Variants in EPG5 observed in about 807,000 individuals in gnomAD.
EPG5 encodes ectopic P granules protein 5 homolog.
EPG5 carries 159 observed loss-of-function variants against 302.7 expected under a neutral mutation model. That is an observed-to-expected ratio of 0.53 (90% CI 0.46 to 0.60). The LOEUF (loss-of-function observed/expected upper bound fraction) is 0.60, where lower values mean the gene tolerates loss of function less well. Among genes scored for constraint, EPG5 ranks in the 20% least tolerant of loss-of-function variants. The pLI is 0.00. For synonymous variants in EPG5, 1,158 were observed against 1,136.8 expected (o/e 1.02, Z -0.37); for missense variants, 2,896 against 3,092.4 (o/e 0.94, Z 1.51).
chr18:45,913,486 A>G (rs1288810589), intron 21 of EPG5, among the ~76,000 whole-genome samples: 1 of 152,224 alleles, frequency 6.6e-6, no homozygotes, highest in East Asian at 1.9e-4. Context: ...TCACATGTGC[A>G]ATGATCCAGC....
At chr18:45,807,758 G>T in the EPG5 span, among the ~76,000 whole-genome samples, 6 of 152,158 alleles carry the variant, frequency 3.9e-5, no homozygotes, top group Non-Finnish European at 7.3e-5. Flanking sequence ...CCTTCCCTCT[G>T]ACAGAACCTA....
chr18:45,867,802 G>T, intron 36 of EPG5, 54 bp from the exon 37 acceptor site: 1 of 1,440,168 alleles, frequency 6.9e-7, no homozygotes, highest in South Asian at 1.3e-5. Context: ...CTATGTATCT[G>T]GAAAATGTAT....
At chr18:45,839,285 A>G in the EPG5 span, among the ~76,000 whole-genome samples, 1 of 152,210 alleles carries the variant, frequency 6.6e-6, no homozygotes, top group African/African-American at 2.4e-5. Context: ...CCATTTTGCA[A>G]TAAGGAAGCT....
At chr18:45,821,911 C>T in the EPG5 span, among the ~76,000 whole-genome samples, 3 of 152,188 alleles carry the variant, frequency 2.0e-5, no homozygotes, top group Non-Finnish European at 4.4e-5. Flanking sequence ...AATGAGATAT[C>T]ACCTCACCCT....
the EPG5 span, chr18:45,838,043 C>A: frequency 9.0e-7 from 1 of 1,105,856 alleles, no homozygotes; most frequent in Non-Finnish European, 1.2e-6. Context: ...GATCTCACAC[C>A]TGGGGGTAGT....
chr18:45,819,687 T>C, the EPG5 span, among the ~76,000 whole-genome samples: 1 of 152,194 alleles, frequency 6.6e-6, no homozygotes, highest in Non-Finnish European at 1.5e-5. Flanking sequence ...AGTTCACCAA[T>C]TGTTTCTAAA....
chr18:45,927,633 C>CACACAT (rs1555676803), intron 13 of EPG5, among the ~76,000 whole-genome samples: 1 of 151,262 alleles, frequency 6.6e-6, no homozygotes, highest in Non-Finnish European at 1.5e-5. Flanking sequence ...CACACACACA[C>CACACAT]GCACCAAGGA....
chr18:45,853,771 A>C (rs2048461364), intron 43 of EPG5, among the ~76,000 whole-genome samples: 1 of 152,226 alleles, frequency 6.6e-6, no homozygotes, highest in South Asian at 2.1e-4. Flanking sequence ...GTACCAAATT[A>C]AGAGCTATGT....
chr18:45,804,197 A>T, the EPG5 span, among the ~76,000 whole-genome samples: 4 of 152,198 alleles, frequency 2.6e-5, no homozygotes, highest in Admixed American at 1.3e-4. Context: ...ATAATTTTTT[A>T]AAACAGATGA....
chr18:45,951,901 C>T (rs1276474859), intron 3 of EPG5, among the ~76,000 whole-genome samples: 1 of 152,124 alleles, frequency 6.6e-6, no homozygotes. Flanking sequence ...CATAATTCAA[C>T]AAGCATACTT....
At position 45,915,607 on chromosome 18, in the gene EPG5, G is replaced by A. The variant is rs1329906309; in HGVS notation, c.3597C>T (p.Tyr1199=). 1.2e-6 allele frequency: 2 copies of A among 1,613,920 alleles called. No homozygotes were observed. Among genetic ancestry groups the A allele is most frequent in the Non-Finnish European group, 1.7e-6 (2 of 1,179,922 alleles). Residue 1199 remains tyrosine, a synonymous_variant, in exon 20 of 44, where the codon TAC becomes TAT. Transcript: ENST00000282041. Reference sequence around the variant, plus strand: ...ATGAGAGCAGACTCCGGTCACAGTGGTAACCCAAGGCATTCTACACCGGGA... The same window carrying A: ...ATGAGAGCAGACTCCGGTCACAGTGATAACCCAAGGCATTCTACACCGGGA... ...LYQQHKNALG[Y]HCDRSLLSSL... is the part of the protein sequence containing the mutation.
chr18:45,947,985 G>C (rs2050823532), intron 6 of EPG5, among the ~76,000 whole-genome samples: 1 of 152,064 alleles, frequency 6.6e-6, no homozygotes, highest in Non-Finnish European at 1.5e-5. Flanking sequence ...GTGTTGGCCA[G>C]GCTGGTCTCA....
At chr18:45,897,925 C>G (rs2049516526) in intron 27 of EPG5, among the ~76,000 whole-genome samples, 1 of 152,082 alleles carries the variant, frequency 6.6e-6, no homozygotes, top group Admixed American at 6.6e-5. Flanking sequence ...TAAATTTTCT[C>G]CAATTTCCAA....
At chr18:45,949,442 C>G in intron 5 of EPG5, 42 bp downstream of exon 5, 1 of 1,220,128 alleles carries the variant, frequency 8.2e-7, no homozygotes, top group South Asian at 1.4e-5. Flanking sequence ...CTAATAAAAC[C>G]TCTCCCCCAA....
At chr18:45,964,006 T>C (rs2051199210) in intron 1 of EPG5, among the ~76,000 whole-genome samples, 1 of 152,126 alleles carries the variant, frequency 6.6e-6, no homozygotes, top group Non-Finnish European at 1.5e-5. Flanking sequence ...TGAGCAAAAG[T>C]AGATGTCAAG....
chr18:45,899,357 G>A (rs548174694), intron 27 of EPG5, 47 bp downstream of exon 27: 13 of 1,601,634 alleles, frequency 8.1e-6, no homozygotes, highest in South Asian at 3.3e-5. Flanking sequence ...CCAACATTAC[G>A]GACTCAATTA....
At chr18:45,926,920 T>C (rs2050283357) in intron 13 of EPG5, among the ~76,000 whole-genome samples, 1 of 151,976 alleles carries the variant, frequency 6.6e-6, no homozygotes, top group African/African-American at 2.4e-5. Context: ...CTGGAATTCA[T>C]CCACTAATCA....
intron 18 of EPG5, 88 bp downstream of exon 18, chr18:45,916,350 A>T: frequency 6.4e-7 from 1 of 1,556,152 alleles, no homozygotes; most frequent in Non-Finnish European, 8.7e-7. Flanking sequence ...AAGTGATCTG[A>T]AATGACTAAA....
Position 45,943,270 on chromosome 18 carries a change from T to C in EPG5, c.1834A>G (p.Lys612Glu), listed in dbSNP as rs1369267967. The change falls in exon 9 of 44, where the codon AAA (lysine) becomes GAA (glutamate). Residue 612 changes from lysine to glutamate, a missense_variant. Lys to Glu is a moderately conservative substitution (Grantham distance 56, BLOSUM62 1). Around this residue, in one of 5 missense-constraint regions of EPG5, gnomAD observed 1,390 missense variants for 1,430.0 expected, o/e 0.97. Coordinates refer to ENST00000282041, the MANE Select transcript of EPG5 (RefSeq NM_020964.3). Reference sequence around the variant, plus strand: ...AGTGAGTTGGCAAAGGCAAAAATTTTCATCATCTCTTGAGGTCTTGTTGTT... The same window carrying C: ...AGTGAGTTGGCAAAGGCAAAAATTTCCATCATCTCTTGAGGTCTTGTTGTT... ...PETTRPQEMM[K>E]IFAFANSLVE... 4 of 1,614,034 alleles carry C rather than the reference T, an allele frequency of 2.5e-6. No individual in the cohort carries two copies. The African/African-American group carries it at 4.0e-5, about 16-fold the overall frequency.
Sources: gnomAD v4.1 joint callset for allele counts (sites outside exome capture counted in the v4.1 genomes callset) on GRCh38, gnomAD v4.1.1 for gene constraint, gnomAD v4.1.1 regional missense constraint, MANE v1.5 for transcripts, NCBI Gene and HGNC (gene_info 2026-07-23, HGNC 2026-07-21) for gene names.